Variants in AP1S1 observed in about 807,000 individuals in gnomAD.
The protein encoded by AP1S1 is adaptor related protein complex 1 subunit sigma 1, also known as AP-1 complex subunit sigma-1A.
A neutral mutation model predicts 23.9 loss-of-function variants in AP1S1; 13 were observed. That is an observed-to-expected ratio of 0.54 (90% CI 0.35 to 0.86). The LOEUF is 0.86. Ranked by LOEUF, AP1S1 falls within the 40% of genes least tolerant of loss-of-function variation. The probability of loss-of-function intolerance (pLI) is 0.01; values close to 1 mark genes in which losing one functional copy is unlikely to be tolerated. For synonymous variants in AP1S1, 84 were observed against 77.7 expected, an observed-to-expected ratio of 1.08 and a Z score of -0.43; for missense variants, 119 against 197.6, an observed-to-expected ratio of 0.60 and a Z score of 2.38.
At chr7:101,156,345 A>G in intron 1 of AP1S1, 4 of 449,552 alleles carry the variant, frequency 8.9e-6, no homozygotes, top group East Asian at 3.8e-5. Context: ...TACAATGTCC[A>G]TTTTACACAT....
At chr7:101,158,604 A>G (rs1228410792) in intron 3 of AP1S1, among the ~76,000 whole-genome samples, 3 of 152,182 alleles carry the variant, frequency 2.0e-5, no homozygotes, top group Non-Finnish European at 2.9e-5. Context: ...AGGAAGAGGG[A>G]AAAAAACTGA....
chr7:101,155,815 G>A (rs1796983363), intron 1 of AP1S1, among the ~76,000 whole-genome samples: 1 of 152,214 alleles, frequency 6.6e-6, no homozygotes, highest in African/African-American at 2.4e-5. Context: ...TAGAGAGAGG[G>A]TGGAAGAGAA....
Position 101,154,510 on chromosome 7 carries a change from G to A in AP1S1, c.-5G>A, listed in dbSNP as rs574940992. Reference sequence around the variant, plus strand: ...AGTGGGACGCGCCGAGCCGGAGGCTGCAGGATGGTAGGCTGTGCGAAGAGG... The same window carrying A: ...AGTGGGACGCGCCGAGCCGGAGGCTACAGGATGGTAGGCTGTGCGAAGAGG... On this transcript the variant is annotated 5_prime_UTR_variant, in exon 1 of 5. Transcript: ENST00000337619. The A allele has an allele frequency of 6.4e-7, 1 of 1,573,790 alleles. No individual in the cohort carries two copies. The highest frequency in any genetic ancestry group is 1.2e-5 in the South Asian group (1 of 85,600).
chr7:101,159,835 C>T (rs938424684), intron 4 of AP1S1, among the ~76,000 whole-genome samples: 16 of 151,634 alleles, frequency 1.1e-4, no homozygotes, highest in African/African-American at 2.9e-4. Context: ...CAGTGATGAG[C>T]GAGCCCGGCC....
rs1429578152 is a variant in AP1S1 at position 101,156,847 on chromosome 7, T to TCC, written c.182+76_182+77dup. ...GGTTAAAATGTCTGAGAAATGGTCG[T>TCC]CCTGTAGGTCAGGGAGACCTGGGAG... On this transcript the variant is annotated intron_variant, in intron 2 of 4. Transcript: ENST00000337619. 8 of 1,350,722 alleles carry TCC rather than the reference T, an allele frequency of 5.9e-6. No homozygotes were observed. The African/African-American group carries it at 1.2e-4, about 20-fold the overall frequency. The allele number at this position is 1,350,722 out of a possible 1,614,324, so 83.7% of individuals were successfully genotyped here.
At position 101,160,568 on chromosome 7, in the gene AP1S1, C is replaced by T. The variant is rs1797081092; in HGVS notation, c.*2C>T. On this transcript the variant is annotated 3_prime_UTR_variant, in exon 5 of 5. Coordinates refer to ENST00000337619, the MANE Select transcript of AP1S1 (RefSeq NM_001283.5). Reference sequence around the variant, plus strand: ...CTGGAGGAGATGGGTTTGGCATAGCCCCTGCTGGGCCGGGGTGTGGCGATG... The same window carrying T: ...CTGGAGGAGATGGGTTTGGCATAGCTCCTGCTGGGCCGGGGTGTGGCGATG... 6.2e-7 allele frequency: 1 copy of T among 1,611,280 alleles called. No individual in the cohort carries two copies. Among genetic ancestry groups the T allele is most frequent in the Non-Finnish European group, 8.5e-7 (1 of 1,179,846 alleles).
chr7:101,158,444 C>T (rs964044921), intron 3 of AP1S1, among the ~76,000 whole-genome samples: 8 of 152,200 alleles, frequency 5.3e-5, no homozygotes, highest in Non-Finnish European at 1.2e-4. Context: ...CCAGAATTCC[C>T]TCTTTCCCTG....
chr7:101,155,030 T>C (rs1584202124), intron 1 of AP1S1: 7 of 988,056 alleles, frequency 7.1e-6, no homozygotes, highest in Non-Finnish European at 8.4e-6. Context: ...TGGGCCCAGG[T>C]AGGGAAGCGA....
intron 1 of AP1S1, chr7:101,155,144 T>A: frequency 1.7e-6 from 1 of 581,380 alleles, no homozygotes; most frequent in South Asian, 7.5e-5. Flanking sequence ...AGGCCTTCCG[T>A]CTTCCTGCTT....
chr7:101,159,910 G>A (rs1797061135), intron 4 of AP1S1, among the ~76,000 whole-genome samples: 1 of 151,458 alleles, frequency 6.6e-6, no homozygotes, highest in African/African-American at 2.4e-5. Flanking sequence ...CAGTGGGAGA[G>A]AGGGCAGAAC....
chr7:101,157,216 G>A (rs150486027), intron 2 of AP1S1, among the ~76,000 whole-genome samples, 161 bp from the exon 3 acceptor site: 80 of 152,318 alleles, frequency 5.3e-4, no homozygotes, highest in African/African-American at 1.8e-3. Context: ...TTTTAAGACA[G>A]CACAAAGAGG....
rs915729199 is a variant in AP1S1, at chr7:101,160,661, G to A, written c.*95G>A. On this transcript the variant is annotated 3_prime_UTR_variant, in exon 5 of 5. Coordinates refer to ENST00000337619, the MANE Select transcript of AP1S1 (RefSeq NM_001283.5). ...CAGGGCCCTGTTCTTGGTGGGACTC[G>A]GCTGCCCCTCCTCTGCTGCCTCACC... 3.4e-5 allele frequency: 49 copies of A among 1,441,462 alleles called. No individual in the cohort carries two copies. Among genetic ancestry groups the A allele is most frequent in the African/African-American group, 2.7e-4 (19 of 71,590 alleles). The allele number at this position is 1,441,462 out of a possible 1,614,324, so 89.3% of individuals were successfully genotyped here.
chr7:101,154,619 C>T (rs752894134), intron 1 of AP1S1, 102 bp downstream of exon 1: 3 of 1,478,810 alleles, frequency 2.0e-6, no homozygotes, highest in South Asian at 1.3e-5. Flanking sequence ...CCTGTCTTCC[C>T]TCTGGTCCTC....
At position 101,154,490 on chromosome 7, in the gene AP1S1, G is replaced by A; in HGVS notation, c.-25G>A. ...CTGGCGCCTACGGTGGCCGAAGTGG[G>A]ACGCGCCGAGCCGGAGGCTGCAGGA... On this transcript the variant is annotated 5_prime_UTR_variant, in exon 1 of 5. Coordinates refer to ENST00000337619, the MANE Select transcript of AP1S1 (RefSeq NM_001283.5). The A allele has an allele frequency of 6.4e-7, 1 of 1,572,520 alleles. No individual in the cohort carries two copies. Among genetic ancestry groups the A allele is most frequent in the Non-Finnish European group, 8.6e-7 (1 of 1,159,740 alleles).
chr7:101,159,862 A>AG (rs1184291349), intron 4 of AP1S1, among the ~76,000 whole-genome samples: 1 of 151,312 alleles, frequency 6.6e-6, no homozygotes, highest in Non-Finnish European at 1.5e-5. Context: ...GGCTCTGAGG[A>AG]GGGGGAGAGA....
intron 1 of AP1S1, among the ~76,000 whole-genome samples, chr7:101,155,205 T>C (rs1796974704): frequency 6.6e-6 from 1 of 151,858 alleles, no homozygotes; most frequent in Admixed American, 6.6e-5. Flanking sequence ...AGCGCCCCTC[T>C]TTTCCCCTCC....
rs1368806878 is a variant in AP1S1 at position 101,155,844 on chromosome 7, C to T, written c.4-750C>T. 3.9e-5 allele frequency among the ~76,000 whole-genome samples: 6 copies of T among 152,154 alleles called. No homozygotes were observed. In the East Asian group the frequency reaches 7.7e-4, roughly 20 times the overall value. ...AAGAGAACAGGCATTTCTTTGGCGT[C>T]GGTTACTGTCGTCTTGTCACTGTGC... On this transcript the variant is annotated intron_variant, in intron 1 of 4. Coordinates refer to ENST00000337619, the MANE Select transcript of AP1S1 (RefSeq NM_001283.5).
At chr7:101,159,437 C>G (rs749894940) in intron 4 of AP1S1, 19 of 532,982 alleles carry the variant, frequency 3.6e-5, no homozygotes, top group Non-Finnish European at 6.1e-5. Context: ...GTCCTTCTCC[C>G]AAGCCCCCAG....
rs1416973950 is a variant in AP1S1, at chr7:101,157,403, C to T, written c.209C>T (p.Ala70Val). The T allele has an allele frequency of 6.3e-7, 1 of 1,579,494 alleles. No homozygotes were observed. ...TATGCCAGCCTCTACTTCTGCTGCG[C>T]CATCGAGGGCCAAGACAATGAGCTC... ...KRYASLYFCC[A>V]IEGQDNELIT... is the part of the protein sequence containing the mutation. Residue 70 changes from alanine to valine, a missense_variant, in exon 3 of 5, where the codon GCC becomes GTC. Ala to Val is a moderately conservative substitution (Grantham distance 64, BLOSUM62 0). Coordinates refer to ENST00000337619, the MANE Select transcript of AP1S1 (RefSeq NM_001283.5).
Sources: allele counts gnomAD v4.1 joint callset (sites outside exome capture counted in the v4.1 genomes callset), GRCh38; gene constraint gnomAD v4.1.1; transcripts MANE v1.5; gene names NCBI Gene and HGNC (gene_info 2026-07-23, HGNC 2026-07-21).